RERE: variants seen among roughly 807,000 people sequenced by gnomAD.
The protein encoded by RERE is arginine-glutamic acid dipeptide repeats.
In RERE, 40 loss-of-function variants were observed where a neutral mutation model predicts 146.1. That is an observed-to-expected ratio of 0.27 (90% CI 0.21 to 0.36). The LOEUF is 0.36. Among genes scored for constraint, RERE ranks in the 10% least tolerant of loss-of-function variants. The pLI is 1.00. For synonymous variants in RERE, 1,003 were observed against 866.0 expected, an observed-to-expected ratio of 1.16 and a Z score of -2.78; for missense variants, 1,933 against 2,138.7, an observed-to-expected ratio of 0.90 and a Z score of 1.90.
At chr1:8,798,620 G>T in intron 1 of RERE, 1 of 220,196 alleles carries the variant, frequency 4.5e-6, no homozygotes, top group South Asian at 8.2e-5. Context: ...GGCTGGATTT[G>T]ACCACTATCC....
chr1:8,733,800 T>C (rs142554024), intron 1 of RERE, among the ~76,000 whole-genome samples: 2,759 of 152,302 alleles, frequency 0.018, 32 homozygotes, highest in Middle Eastern at 0.054. Flanking sequence ...ACATATATCA[T>C]ATAGGAGCTT....
intron 4 of RERE, among the ~76,000 whole-genome samples, chr1:8,601,772 C>CACACACAA (rs1398992197): frequency 7.4e-4 from 103 of 138,994 alleles, no homozygotes; most frequent in African/African-American, 2.5e-3. Context: ...CACACACACA[C>CACACACAA]ACACAAACAC....
chr1:8,478,202 C>A (rs1381615856), intron 10 of RERE, among the ~76,000 whole-genome samples: 2 of 152,196 alleles, frequency 1.3e-5, no homozygotes, highest in Non-Finnish European at 2.9e-5. Context: ...AAAAATTTAG[C>A]AACTATTATG....
intron 11 of RERE, among the ~76,000 whole-genome samples, chr1:8,455,436 T>C (rs1191555640): frequency 3.9e-5 from 6 of 152,050 alleles, no homozygotes; most frequent in Non-Finnish European, 5.9e-5. Flanking sequence ...TCTCCCATAA[T>C]AGAACATCTC....
At chr1:8,513,379 G>T (rs977249078) in intron 7 of RERE, among the ~76,000 whole-genome samples, 1 of 152,172 alleles carries the variant, frequency 6.6e-6, no homozygotes, top group Non-Finnish European at 1.5e-5. Flanking sequence ...AAGACAGCTA[G>T]ATTCTCCTAT....
In RERE at chr1:8,359,730, G is replaced by GC. The variant is rs758622702; in HGVS notation, c.3618+33dup. ...GCTCCCAGGCGCAGGATGGACCAGC[G>GC]CCCCCCGTCACACCTCGCCAACCCT... On this transcript the variant is annotated intron_variant, in intron 19 of 22. Coordinates refer to ENST00000400908, the MANE Select transcript of RERE (RefSeq NM_001042681.2). 90 of 1,592,232 alleles carry GC rather than the reference G, an allele frequency of 5.7e-5. No homozygotes were observed. In the African/African-American group the frequency reaches 7.3e-4, roughly 13 times the overall value.
chr1:8,438,850 A>G (rs1252277288), intron 11 of RERE, among the ~76,000 whole-genome samples: 4 of 152,246 alleles, frequency 2.6e-5, no homozygotes, highest in African/African-American at 9.6e-5. Context: ...ATAGATGATA[A>G]GCTCATTACA....
At position 8,505,599 on chromosome 1, in the gene RERE, T is replaced by C. The variant is rs553563159; in HGVS notation, c.879+3028A>G. On this transcript the variant is annotated intron_variant, in intron 8 of 22. Coordinates refer to ENST00000400908, the MANE Select transcript of RERE (RefSeq NM_001042681.2). The stretch of plus-strand genomic sequence containing the variant: ...AGGCTGGAGTGCAATGGTGTGATCG[T>C]GGCTCAGTGCTGCTTCAACCGCCTA... Among the ~76,000 whole-genome samples, 5 of 152,338 alleles carry C rather than the reference T, an allele frequency of 3.3e-5. No homozygotes were observed. In the East Asian group the frequency reaches 9.6e-4, roughly 29 times the overall value.
chr1:8,667,625 C>A (rs1638607201), intron 1 of RERE, among the ~76,000 whole-genome samples: 1 of 152,170 alleles, frequency 6.6e-6, no homozygotes, highest in African/African-American at 2.4e-5. Context: ...TGCAGTGAGC[C>A]AAGATGGCGC....
chr1:8,704,659 A>T (rs943955812), intron 1 of RERE, among the ~76,000 whole-genome samples: 3 of 152,248 alleles, frequency 2.0e-5, no homozygotes, highest in Admixed American at 2.0e-4. Context: ...GTTGCCACAG[A>T]CAGCCAAACA....
rs925240076 is a variant in RERE at position 8,353,350 on chromosome 1, T to G, written c.*1737A>C. The stretch of plus-strand genomic sequence containing the variant: ...ACGCCAGAACCTGAATTTGAGCCAG[T>G]AGCTGCTGGTTTCTAGATCAAACTA... On this transcript the variant is annotated 3_prime_UTR_variant, in exon 23 of 23. Transcript: ENST00000400908. 3.3e-5 allele frequency: 5 copies of G among 152,280 alleles called. No individual in the cohort carries two copies. Among genetic ancestry groups the G allele is most frequent in the African/African-American group, 1.2e-4 (5 of 41,468 alleles). The allele number at this position is 152,280 out of a possible 1,614,324, so 9.4% of individuals were successfully genotyped here. A position where few individuals can be genotyped will look rare whatever the true frequency, so the allele number is the denominator to read the frequency against.
At chr1:8,436,866 G>A (rs565595845) in intron 11 of RERE, among the ~76,000 whole-genome samples, 1 of 152,112 alleles carries the variant, frequency 6.6e-6, no homozygotes, top group South Asian at 2.1e-4. Flanking sequence ...ATCTACACTT[G>A]GGCCAGCACA....
chr1:8,791,212 C>T (rs530341891), intron 1 of RERE, among the ~76,000 whole-genome samples: 1 of 152,092 alleles, frequency 6.6e-6, no homozygotes, highest in South Asian at 2.1e-4. Context: ...GGTGGTCTGC[C>T]AAGATAAACA....
chr1:8,578,603 C>A (rs1646325260), intron 4 of RERE, among the ~76,000 whole-genome samples: 1 of 152,010 alleles, frequency 6.6e-6, no homozygotes. Context: ...CCAGCCAGAG[C>A]ATCTATCACT....
intron 4 of RERE, among the ~76,000 whole-genome samples, chr1:8,568,534 C>T (rs993483868): frequency 3.3e-5 from 5 of 152,138 alleles, no homozygotes; most frequent in Non-Finnish European, 5.9e-5. Flanking sequence ...CATGGGTTAA[C>T]GACTTATCAC....
In RERE at chr1:8,423,733, C is replaced by CGGGGCCCGG; in HGVS notation, c.1204-935_1204-927dup. 3 of 976,146 alleles carry CGGGGCCCGG rather than the reference C, an allele frequency of 3.1e-6. No individual in the cohort carries two copies. The highest frequency in any genetic ancestry group is 3.6e-6 in the Non-Finnish European group (3 of 824,436). The allele number at this position is 976,146 out of a possible 1,614,324, so 60.5% of individuals were successfully genotyped here. On this transcript the variant is annotated intron_variant, in intron 11 of 22. Transcript: ENST00000400908. The surrounding 1 kb of genome is among the most constrained non-coding windows in gnomAD (Gnocchi z 5.4). ...GTGACCGCGGCGGGGCCGCGCGGCG[C>CGGGGCCCGG]GGGGCCCGGGGGGCGCGGGGCTGGG...
intron 12 of RERE, among the ~76,000 whole-genome samples, chr1:8,387,299 T>C (rs985700403): frequency 2.0e-4 from 30 of 152,366 alleles, no homozygotes; most frequent in East Asian, 1.9e-4. Flanking sequence ...GGTCTCTTTC[T>C]TTATGCTACA....
At chr1:8,573,617 G>A (rs1646251216) in intron 4 of RERE, among the ~76,000 whole-genome samples, 1 of 152,028 alleles carries the variant, frequency 6.6e-6, no homozygotes, top group Non-Finnish European at 1.5e-5. Context: ...TCCTATATAT[G>A]TTTTCACACA....
intron 1 of RERE, among the ~76,000 whole-genome samples, chr1:8,746,808 G>C (rs1408396687): frequency 6.7e-6 from 1 of 148,980 alleles, no homozygotes; most frequent in African/African-American, 2.5e-5. Flanking sequence ...GTGTATGGGG[G>C]GGAAGTGAGA....
Sources: gnomAD v4.1 joint callset for allele counts (sites outside exome capture counted in the v4.1 genomes callset) on GRCh38, gnomAD v4.1.1 for gene constraint, Gnocchi (gnomAD v3.1) non-coding constraint, MANE v1.5 for transcripts, NCBI Gene and HGNC (gene_info 2026-07-23, HGNC 2026-07-21) for gene names.